ITPRID2: variants seen among roughly 807,000 people sequenced by gnomAD.
ITPRID2 encodes ITPR interacting domain containing 2, also known as protein ITPRID2.
In ITPRID2, 60 loss-of-function variants were observed where a neutral mutation model predicts 124.3. That is an observed-to-expected ratio of 0.48 (90% CI 0.39 to 0.60). The LOEUF is 0.60. Ranked by LOEUF, ITPRID2 falls within the 20% of genes least tolerant of loss-of-function variation. The probability of loss-of-function intolerance (pLI) is 0.00; values close to 1 mark genes in which losing one functional copy is unlikely to be tolerated. For missense variants in ITPRID2, 1,553 were observed against 1,512.2 expected (o/e 1.03, Z -0.45); for synonymous variants, 521 against 542.9 (o/e 0.96, Z 0.56).
At position 181,896,359 on chromosome 2, in the gene ITPRID2, A is replaced by AT. The variant is rs1692201907; in HGVS notation, c.307+280_307+281insT. 6.6e-6 allele frequency among the ~76,000 whole-genome samples: 1 copy of AT among 152,024 alleles called. No homozygotes were observed. Among genetic ancestry groups the AT allele is most frequent in the Non-Finnish European group, 1.5e-5 (1 of 67,864 alleles). ...ATATGAATATATAATATGCAAATAT[A>AT]AGGAAAATACTTATTGAGTGAACAA... On this transcript the variant is annotated intron_variant, in intron 3 of 17. Transcript: ENST00000431877. The surrounding 1 kb of genome is among the most constrained non-coding windows in gnomAD (Gnocchi z 4.3).
chr2:181,925,893 G>C (rs942258159), intron 16 of ITPRID2, among the ~76,000 whole-genome samples: 5 of 152,162 alleles, frequency 3.3e-5, no homozygotes, highest in African/African-American at 1.2e-4. Context: ...CATTCTCTGA[G>C]AATTTTGTCC....
intron 16 of ITPRID2, among the ~76,000 whole-genome samples, chr2:181,927,042 G>A (rs944744769): frequency 1.6e-4 from 25 of 152,202 alleles, no homozygotes; most frequent in Admixed American, 1.6e-3. Context: ...AAAGCTTATA[G>A]TATTTAAATA....
At position 181,902,236 on chromosome 2, in the gene ITPRID2, CAAAGT is replaced by C; in HGVS notation, c.1188_1192del (p.Ser396ArgfsTer6). The C allele has an allele frequency of 6.2e-7, 1 of 1,612,854 alleles. No individual in the cohort carries two copies. The highest frequency in any genetic ancestry group is 8.5e-7 in the Non-Finnish European group (1 of 1,179,302). ...TTTTAACCAAGGAACTGAAAATGAA[CAAAGT>C]AAAGAAACTCAAAGTCATGAGAGTA... On this transcript the variant is annotated frameshift_variant, in exon 8 of 18. Transcript: ENST00000431877. LOFTEE classifies it high-confidence loss of function. The surrounding 1 kb of genome is among the most constrained non-coding windows in gnomAD (Gnocchi z 4.4).
At position 181,919,378 on chromosome 2, in the gene ITPRID2, C is replaced by T; in HGVS notation, c.3076C>T (p.Leu1026=). ...CCTGGAACTGCAGCTGGAGGAGCGC[C>T]TGCTGGGCCTGGAGGAGCAGCTTCG... ...QDLELQLEER[L]LGLEEQLRAV... Residue 1026 remains leucine, a synonymous_variant, in exon 14 of 18, where the codon CTG becomes TTG. Transcript: ENST00000431877. The surrounding 1 kb of genome is among the most constrained non-coding windows in gnomAD (Gnocchi z 4.2). 1 of 1,614,040 alleles carries T rather than the reference C, an allele frequency of 6.2e-7. No homozygotes were observed. The highest frequency in any genetic ancestry group is 1.1e-5 in the South Asian group (1 of 91,080).
At chr2:181,898,796 G>A (rs1322205442) in intron 4 of ITPRID2, 84 bp from the exon 5 acceptor site, 2 of 938,672 alleles carry the variant, frequency 2.1e-6, no homozygotes, top group African/African-American at 1.7e-5. Context: ...AATATTGTAG[G>A]TAATTAGATT....
At chr2:181,912,630 A>T (rs1043706379) in intron 9 of ITPRID2, among the ~76,000 whole-genome samples, 4 of 152,346 alleles carry the variant, frequency 2.6e-5, no homozygotes, top group Admixed American at 1.3e-4. Context: ...TTCATATCTT[A>T]AATGAATATG....
At chr2:181,911,305 A>G (rs1235751809) in intron 9 of ITPRID2, among the ~76,000 whole-genome samples, 2 of 152,210 alleles carry the variant, frequency 1.3e-5, no homozygotes, top group Non-Finnish European at 2.9e-5. Flanking sequence ...AAAGTTTAGG[A>G]AAAATGCATA....
At chr2:181,921,534 A>T (rs1316033038) in intron 15 of ITPRID2, among the ~76,000 whole-genome samples, 1 of 152,162 alleles carries the variant, frequency 6.6e-6, no homozygotes, top group African/African-American at 2.4e-5. Context: ...GTGCTTTCAC[A>T]GTTTGATCCT....
chr2:181,929,570 G>T lies in ITPRID2; in HGVS notation c.*23G>T, dbSNP rs374933632. ...TCTTTTCTTTTTTAAGGTTGGCATG[G>T]ATCCTATTAGCTGTGTAATACTGGA... On this transcript the variant is annotated 3_prime_UTR_variant, in exon 18 of 18. Transcript: ENST00000431877. 2.5e-6 allele frequency: 4 copies of T among 1,610,780 alleles called. No homozygotes were observed. In the East Asian group the frequency reaches 6.7e-5, roughly 27 times the overall value.
intron 17 of ITPRID2, 64 bp downstream of exon 17, chr2:181,928,342 T>C (rs1695016987): frequency 9.7e-7 from 1 of 1,025,922 alleles, no homozygotes; most frequent in Admixed American, 2.7e-5. Flanking sequence ...TTATTCTTTG[T>C]TTTGTTAGTA....
Position 181,919,024 on chromosome 2 carries a change from CATAG to C in ITPRID2, c.2993+147_2993+150del, listed in dbSNP as rs1694286433. On this transcript the variant is annotated intron_variant, in intron 13 of 17. Coordinates refer to ENST00000431877, the MANE Select transcript of ITPRID2 (RefSeq NM_001130445.3). This position sits in a 1 kb window ranked among gnomAD's most constrained non-coding sequence, Gnocchi z 4.2. ...GTGAACCAGTGTAGATAAGATTAGT[CATAG>C]ATAGTGTTTTACTAAGTAAACTTGT... 2 of 1,189,926 alleles carry C rather than the reference CATAG, an allele frequency of 1.7e-6. No homozygotes were observed. Among genetic ancestry groups the C allele is most frequent in the African/African-American group, 1.5e-5 (1 of 64,814 alleles). 73.7% of individuals were successfully genotyped at this position (1,189,926 alleles called of 1,614,324 possible).
intron 2 of ITPRID2, chr2:181,894,124 C>T (rs896905366): frequency 2.0e-5 from 3 of 152,134 alleles, no homozygotes; most frequent in Non-Finnish European, 2.9e-5. Flanking sequence ...TGTTTAAATT[C>T]AAGTGCATAT....
At chr2:181,895,925 G>C in intron 2 of ITPRID2, 105 bp from the exon 3 acceptor site, 1 of 909,130 alleles carries the variant, frequency 1.1e-6, no homozygotes, top group South Asian at 1.5e-5. Flanking sequence ...GTTTAACTGT[G>C]ATTAGAAGCT....
intron 11 of ITPRID2, chr2:181,916,702 T>G: frequency 1.4e-6 from 1 of 714,900 alleles, no homozygotes; most frequent in East Asian, 4.0e-5. Context: ...CTCCCATTTT[T>G]AGTCTATCAT....
At chr2:181,924,642 C>A (rs77270380) in intron 16 of ITPRID2, among the ~76,000 whole-genome samples, 5,575 of 152,204 alleles carry the variant, frequency 0.037, 139 homozygotes, top group East Asian at 0.1. Flanking sequence ...ATCTGTCAGG[C>A]CTTTGTTTCT....
chr2:181,920,565 T>C, intron 14 of ITPRID2, 32 bp from the exon 15 acceptor site: 1 of 1,526,058 alleles, frequency 6.6e-7, no homozygotes. Flanking sequence ...TACACACACA[T>C]ATACATATAT....
At position 181,898,897 on chromosome 2, in the gene ITPRID2, A is replaced by G; in HGVS notation, c.382A>G (p.Ser128Gly). The G allele has an allele frequency of 4.3e-6, 7 of 1,611,962 alleles. No individual in the cohort carries two copies. Among genetic ancestry groups the G allele is most frequent in the Non-Finnish European group, 5.9e-6 (7 of 1,178,226 alleles). The change falls in exon 5 of 18, where the codon AGT (serine) becomes GGT (glycine). Residue 128 changes from serine to glycine, a missense_variant. By Grantham distance (56) the Ser-to-Gly change is moderately conservative. Coordinates refer to ENST00000431877, the MANE Select transcript of ITPRID2 (RefSeq NM_001130445.3). ...ACCTGTAGCCAACCACCTCCATGAAAGTGATGCTCAAATTGAAAACTGGTA... is the reference window on the plus strand; with the variant it reads ...ACCTGTAGCCAACCACCTCCATGAAGGTGATGCTCAAATTGAAAACTGGTA... ...LGAEANHLHE[S>G]DAQIENCNNI...
chr2:181,921,966 GA>G lies in ITPRID2; in HGVS notation c.3230del (p.Glu1077GlyfsTer5). The G allele has an allele frequency of 6.2e-7, 1 of 1,614,072 alleles. No homozygotes were observed. The highest frequency in any genetic ancestry group is 8.5e-7 in the Non-Finnish European group (1 of 1,179,972). ...VMEPVTELMQ[E>X]QSYLKSELGL... ...TCTCCAGGTCACTGAACTGATGCAG[GA>G]GCAGTCATACCTGAAGTCTGAATTG... is the stretch of plus-strand genomic sequence containing the variant. On this transcript the variant is annotated frameshift_variant, in exon 16 of 18. Coordinates refer to ENST00000431877, the MANE Select transcript of ITPRID2 (RefSeq NM_001130445.3). LOFTEE classifies it high-confidence loss of function.
intron 2 of ITPRID2, among the ~76,000 whole-genome samples, chr2:181,895,353 G>C (rs1277860599): frequency 6.6e-6 from 1 of 152,006 alleles, no homozygotes; most frequent in Non-Finnish European, 1.5e-5. Context: ...CTACAAGAAT[G>C]AAAAAATTTT....
Sources: allele counts gnomAD v4.1 joint callset (sites outside exome capture counted in the v4.1 genomes callset), GRCh38; gene constraint gnomAD v4.1.1; non-coding constraint Gnocchi (gnomAD v3.1); transcripts MANE v1.5; gene names NCBI Gene and HGNC (gene_info 2026-07-23, HGNC 2026-07-21).